SRP68: variants seen among roughly 807,000 people sequenced by gnomAD.
SRP68 encodes the protein signal recognition particle 68, also known as signal recognition particle subunit SRP68.
A neutral mutation model predicts 82.2 loss-of-function variants in SRP68; 15 were observed. That is an observed-to-expected ratio of 0.18 (90% CI 0.12 to 0.28). The LOEUF (loss-of-function observed/expected upper bound fraction) is 0.28. Among genes scored for constraint, SRP68 ranks in the 10% least tolerant of loss-of-function variants. The probability of loss-of-function intolerance (pLI) is 1.00; values close to 1 mark genes in which losing one functional copy is unlikely to be tolerated. For missense variants in SRP68, 595 were observed against 780.5 expected (o/e 0.76, Z 2.83); for synonymous variants, 261 against 292.6 (o/e 0.89, Z 1.10).
chr17:76,043,073 G>C (rs1416225950), intron 13 of SRP68, among the ~76,000 whole-genome samples: 1 of 151,780 alleles, frequency 6.6e-6, no homozygotes, highest in African/African-American at 2.4e-5. Context: ...AGGCCAGCCT[G>C]GGCAACATAG....
intron 2 of SRP68, among the ~76,000 whole-genome samples, chr17:76,067,647 T>A (rs938616234): frequency 2.6e-5 from 4 of 152,090 alleles, no homozygotes; most frequent in Non-Finnish European, 5.9e-5. Flanking sequence ...GTACTTTTTG[T>A]AGAGACAGGG....
At chr17:76,048,499 C>T (rs1467825039) in intron 9 of SRP68, 1 of 152,176 alleles carries the variant, frequency 6.6e-6, no homozygotes, top group East Asian at 1.9e-4. Flanking sequence ...ATCCCAGGGT[C>T]CTGAGAAGAG....
chr17:76,070,849 T>TGCACACACACACACACAC, intron 1 of SRP68, among the ~76,000 whole-genome samples: 1 of 69,766 alleles, frequency 1.4e-5, no homozygotes. Flanking sequence ...CACATGCACA[T>TGCACACACACACACACAC]GCACACACAC....
chr17:76,055,735 CAGAG>C (rs753240137), intron 8 of SRP68, among the ~76,000 whole-genome samples: 1 of 143,270 alleles, frequency 7.0e-6, no homozygotes, highest in Admixed American at 7.2e-5. Context: ...GCCTGGGTGA[CAGAG>C]AGAGACTCTG....
chr17:76,042,226 T>C (rs1345221412), intron 13 of SRP68, among the ~76,000 whole-genome samples: 2 of 152,032 alleles, frequency 1.3e-5, no homozygotes, highest in African/African-American at 4.8e-5. Flanking sequence ...CAAATATACA[T>C]GGATTCCTTA....
intron 13 of SRP68, chr17:76,043,626 T>C: frequency 2.6e-6 from 1 of 381,082 alleles, no homozygotes. Flanking sequence ...CCCTTCTTCA[T>C]ACCTAAATCC....
chr17:76,061,289 TA>T, intron 5 of SRP68, 70 bp from the exon 6 acceptor site: 1 of 1,140,844 alleles, frequency 8.8e-7, no homozygotes. Context: ...ACACAGTGAC[TA>T]AAAACAAATT....
chr17:76,050,389 C>T (rs370457791), intron 9 of SRP68, 39 bp downstream of exon 9: 409 of 1,469,206 alleles, frequency 2.8e-4, no homozygotes, highest in Non-Finnish European at 3.7e-4. Context: ...GACCTGGACC[C>T]GCCCAGAGCA....
chr17:76,061,320 C>G (rs973624541), intron 5 of SRP68, 101 bp from the exon 6 acceptor site: 26 of 957,328 alleles, frequency 2.7e-5, no homozygotes, highest in Non-Finnish European at 4.1e-5. Context: ...TGAAGCTCTC[C>G]TACCAACTAC....
In SRP68 at chr17:76,039,937, G is replaced by C. The variant is rs1320423307; in HGVS notation, c.1657-4C>G. 6.2e-7 allele frequency: 1 copy of C among 1,613,972 alleles called. No homozygotes were observed. ...TCTCAAACCGTTCAACCAGAGGCTGGAAGTCAAATCAAAGAGACGTATGTA... is the reference window on the plus strand; with the variant it reads ...TCTCAAACCGTTCAACCAGAGGCTGCAAGTCAAATCAAAGAGACGTATGTA... On this transcript the variant is annotated splice_polypyrimidine_tract_variant and splice_region_variant and intron_variant, in intron 15 of 15. Transcript: ENST00000307877.
chr17:76,069,587 G>A (rs2066833223), intron 2 of SRP68, among the ~76,000 whole-genome samples: 2 of 149,576 alleles, frequency 1.3e-5, no homozygotes, highest in Non-Finnish European at 1.5e-5. Flanking sequence ...TGTGCCTTCA[G>A]TCCCAGCCAC....
In SRP68 at chr17:76,069,473, G is replaced by A. The variant is rs574751401; in HGVS notation, c.251+905C>T. ...CTCACACCCGTAATCCCAGTACTTT[G>A]GGAGGCTGAGGCAGGTGGATCACCT... On this transcript the variant is annotated intron_variant, in intron 2 of 15. Transcript: ENST00000307877. 7.9e-5 allele frequency among the ~76,000 whole-genome samples: 12 copies of A among 152,184 alleles called. No homozygotes were observed. The South Asian group carries it at 2.5e-3, about 32-fold the overall frequency.
At chr17:76,044,004 C>T (rs772900483) in intron 12 of SRP68, 46 bp from the exon 13 acceptor site, 1 of 1,565,990 alleles carries the variant, frequency 6.4e-7, no homozygotes, top group South Asian at 1.2e-5. Context: ...GCAGCAATTA[C>T]CCAAGACCAA....
At chr17:76,045,043 G>A (rs750397178) in intron 12 of SRP68, 3 of 357,066 alleles carry the variant, frequency 8.4e-6, no homozygotes, top group Non-Finnish European at 1.5e-5. Context: ...CGCCCAGCGA[G>A]GAAGCCAAGT....
chr17:76,048,815 C>T (rs959317701), intron 9 of SRP68: 2 of 152,258 alleles, frequency 1.3e-5, no homozygotes, highest in African/African-American at 4.8e-5. Context: ...GCCTTTGCGG[C>T]ATCACATTCC....
chr17:76,065,493 T>C (rs2066799924), intron 3 of SRP68, among the ~76,000 whole-genome samples: 1 of 149,670 alleles, frequency 6.7e-6, no homozygotes, highest in South Asian at 2.1e-4. Flanking sequence ...CTGGTTCTCA[T>C]GAGATTTAAT....
Position 76,047,932 on chromosome 17 carries a change from C to A in SRP68, c.1116G>T (p.Lys372Asn). The change falls in exon 10 of 16, where the codon AAG becomes AAT. Residue 372 changes from lysine to asparagine, a missense_variant. By Grantham distance (94) the Lys-to-Asn change is moderately conservative (BLOSUM62 0). Transcript: ENST00000307877. ...RDYILEGEPG[K>N]VSNLQYLHSY... ...TATGCAAGTATTGAAGATTAGACAC[C>A]TTCCCTGGCTCTCCTTCAAGGATAT... 1 of 1,572,508 alleles carries A rather than the reference C, an allele frequency of 6.4e-7. No individual in the cohort carries two copies. The highest frequency in any genetic ancestry group is 1.7e-5 in the Admixed American group (1 of 57,808).
chr17:76,039,407 TAC>T lies in SRP68; in HGVS notation c.*297_*298del, dbSNP rs758753433. 7 of 573,308 alleles carry T rather than the reference TAC, an allele frequency of 1.2e-5. No individual in the cohort carries two copies. The highest frequency in any genetic ancestry group is 1.1e-4 in the South Asian group (7 of 65,578). 35.5% of individuals were successfully genotyped at this position (573,308 alleles called of 1,614,324 possible). On this transcript the variant is annotated 3_prime_UTR_variant, in exon 16 of 16. Transcript: ENST00000307877. ...GCCTGGTGTGGACTCCTGAACGCAT[TAC>T]TGACCAAAGGCAATCAATCACAGCT...
intron 4 of SRP68, among the ~76,000 whole-genome samples, chr17:76,062,361 C>T (rs2066758772): frequency 6.8e-6 from 1 of 146,776 alleles, no homozygotes; most frequent in Non-Finnish European, 1.5e-5. Flanking sequence ...GAGGCCATGG[C>T]AGGAGGACTG....
Sources: allele counts gnomAD v4.1 joint callset (sites outside exome capture counted in the v4.1 genomes callset), GRCh38; gene constraint gnomAD v4.1.1; transcripts MANE v1.5; gene names NCBI Gene and HGNC (gene_info 2026-07-23, HGNC 2026-07-21).